Variants in ZCWPW2 observed in about 807,000 individuals in gnomAD.
ZCWPW2 encodes the protein zinc finger CW-type PWWP domain protein 2.
A neutral mutation model predicts 46.6 loss-of-function variants in ZCWPW2; 45 were observed. That is an observed-to-expected ratio of 0.96 (90% confidence interval 0.76 to 1.24). The LOEUF (loss-of-function observed/expected upper bound fraction) is 1.24. Ranked by LOEUF, ZCWPW2 falls within the 50% of genes most tolerant of loss-of-function variation. The pLI, the probability that ZCWPW2 is intolerant of heterozygous loss-of-function variation, is 0.00. For synonymous variants in ZCWPW2, 152 were observed against 137.1 expected (o/e 1.11, Z -0.76); for missense variants, 429 against 403.9 (o/e 1.06, Z -0.53).
Position 28,413,407 on chromosome 3 carries a change from T to A in ZCWPW2, c.332+7T>A. On this transcript the variant is annotated splice_region_variant and intron_variant, in intron 3 of 9. Coordinates refer to ENST00000383768, the MANE Select transcript of ZCWPW2 (RefSeq NM_001040432.4). ...AATTACAGAATTGGCCAAGGTAAGG[T>A]TTGTGTAGTTTTATGACTTTTGAAA... 6.3e-7 allele frequency: 1 copy of A among 1,589,048 alleles called. No homozygotes were observed. The highest frequency in any genetic ancestry group is 2.2e-5 in the East Asian group (1 of 44,450).
intron 4 of ZCWPW2, among the ~76,000 whole-genome samples, chr3:28,437,705 A>G (rs1364487775): frequency 6.6e-6 from 1 of 152,216 alleles, no homozygotes; most frequent in Non-Finnish European, 1.5e-5. Context: ...TGAAGGCAAT[A>G]TTTTTATTAT....
chr3:28,449,738 T>C (rs1575148714), intron 4 of ZCWPW2, among the ~76,000 whole-genome samples: 1 of 152,250 alleles, frequency 6.6e-6, no homozygotes, highest in Non-Finnish European at 1.5e-5. Flanking sequence ...TATATTACTC[T>C]AGTAATTACT....
chr3:28,498,443 A>T (rs1700054256), intron 6 of ZCWPW2, among the ~76,000 whole-genome samples: 1 of 151,952 alleles, frequency 6.6e-6, no homozygotes, highest in Non-Finnish European at 1.5e-5. Flanking sequence ...GATAATAATT[A>T]CCCTGTATGA....
chr3:28,374,802 A>G (rs187456316), intron 1 of ZCWPW2, among the ~76,000 whole-genome samples: 7 of 152,132 alleles, frequency 4.6e-5, no homozygotes, highest in Admixed American at 3.3e-4. Context: ...TATAAATGCT[A>G]CTGATTTTTG....
At chr3:28,425,397 A>G (rs533121128) in intron 3 of ZCWPW2, among the ~76,000 whole-genome samples, 2 of 152,230 alleles carry the variant, frequency 1.3e-5, no homozygotes, top group African/African-American at 4.8e-5. Context: ...CAATAGAAAA[A>G]TATAAGGATA....
intron 1 of ZCWPW2, among the ~76,000 whole-genome samples, chr3:28,355,472 C>A (rs1323014135): frequency 3.3e-5 from 5 of 152,238 alleles, no homozygotes; most frequent in African/African-American, 1.2e-4. Context: ...CTACTAATGA[C>A]TTTCTTCACA....
chr3:28,513,089 T>A (rs1225603597), intron 6 of ZCWPW2, among the ~76,000 whole-genome samples: 1 of 152,196 alleles, frequency 6.6e-6, no homozygotes, highest in Non-Finnish European at 1.5e-5. Context: ...AGGTAACTGC[T>A]ATCCTGACTT....
chr3:28,466,858 T>C (rs1309006435), intron 4 of ZCWPW2, among the ~76,000 whole-genome samples: 1 of 152,086 alleles, frequency 6.6e-6, no homozygotes, highest in Non-Finnish European at 1.5e-5. Flanking sequence ...TCCTCTTCTC[T>C]TCTTGATGTG....
chr3:28,372,989 A>G (rs1003155173), intron 1 of ZCWPW2, among the ~76,000 whole-genome samples: 5 of 152,220 alleles, frequency 3.3e-5, no homozygotes, highest in African/African-American at 4.8e-5. Context: ...TCCATGGTCT[A>G]TATCTATATA....
At chr3:28,522,732 G>T (rs755629502) in intron 9 of ZCWPW2, among the ~76,000 whole-genome samples, 15 of 151,974 alleles carry the variant, frequency 9.9e-5, no homozygotes, top group Non-Finnish European at 1.9e-4. Flanking sequence ...AATGTTCATG[G>T]GTTGTAAATG....
intron 6 of ZCWPW2, among the ~76,000 whole-genome samples, chr3:28,498,687 A>G (rs1397815269): frequency 2.0e-5 from 3 of 151,758 alleles, no homozygotes; most frequent in Non-Finnish European, 2.9e-5. Context: ...TCTATGATAC[A>G]TGTGCAGAAC....
chr3:28,388,076 A>C (rs966443122), intron 1 of ZCWPW2, among the ~76,000 whole-genome samples: 17 of 152,126 alleles, frequency 1.1e-4, no homozygotes, highest in African/African-American at 3.9e-4. Flanking sequence ...TTGAGCCGAA[A>C]GGTAATCAGT....
intron 1 of ZCWPW2, among the ~76,000 whole-genome samples, chr3:28,358,503 C>G (rs1046957175): frequency 3.9e-5 from 6 of 152,100 alleles, no homozygotes; most frequent in Non-Finnish European, 8.8e-5. Context: ...TCTCTAACAT[C>G]AGTTTGAAAA....
At chr3:28,412,036 A>G (rs566823300) in intron 2 of ZCWPW2, among the ~76,000 whole-genome samples, 308 of 152,128 alleles carry the variant, frequency 2.0e-3, no homozygotes, top group African/African-American at 7.1e-3. Context: ...TGGCCCTGGT[A>G]AGATATGTGA....
At chr3:28,470,296 C>T (rs1322000477) in intron 4 of ZCWPW2, among the ~76,000 whole-genome samples, 2 of 151,974 alleles carry the variant, frequency 1.3e-5, no homozygotes, top group African/African-American at 2.4e-5. Flanking sequence ...AGACCGAGAC[C>T]ATCCTGGCCA....
rs115428980 is a variant in ZCWPW2, at chr3:28,480,205, A to G, written c.610+1274A>G. 6.7e-3 allele frequency among the ~76,000 whole-genome samples: 1,015 copies of G among 152,044 alleles called. 9 individuals carry two copies. The highest frequency in any genetic ancestry group is 0.022 in the African/African-American group (922 of 41,442). ...CTACCAACAGTGTATAAGCATTCCT[A>G]TTTCTCCTCAACCTCACCACCATCT... On this transcript the variant is annotated intron_variant, in intron 5 of 9. Transcript: ENST00000383768.
rs145479932 is a variant in ZCWPW2, at chr3:28,404,316, AACCACAATGCGAT to A, written c.-13-8734_-13-8722del. On this transcript the variant is annotated intron_variant, in intron 2 of 9. Transcript: ENST00000383768. The stretch of plus-strand genomic sequence containing the variant: ...GAATAATCAGGAAAATGCAAATCAA[AACCACAATGCGAT>A]ACCACCTTACTCTGCAAGAATGGCC... Among the ~76,000 whole-genome samples the A allele has an allele frequency of 0.012, 1,778 of 152,326 alleles. 54 individuals are homozygous for A. In the East Asian group the frequency reaches 0.14, roughly 12 times the overall value.
At chr3:28,422,783 G>GT (rs947565743) in intron 3 of ZCWPW2, among the ~76,000 whole-genome samples, 25 of 150,194 alleles carry the variant, frequency 1.7e-4, no homozygotes, top group East Asian at 3.9e-4. Flanking sequence ...GTGTGTGTGT[G>GT]TTTTTTTTTA....
At chr3:28,482,142 A>G (rs953754109) in intron 5 of ZCWPW2, among the ~76,000 whole-genome samples, 1 of 152,074 alleles carries the variant, frequency 6.6e-6, no homozygotes, top group Admixed American at 6.6e-5. Flanking sequence ...TTTGTGTTCC[A>G]GCTGTTTGTT....
Sources: gnomAD v4.1 joint callset for allele counts (sites outside exome capture counted in the v4.1 genomes callset) on GRCh38, gnomAD v4.1.1 for gene constraint, MANE v1.5 for transcripts, NCBI Gene and HGNC (gene_info 2026-07-23, HGNC 2026-07-21) for gene names.